The following ZFYVE26 variants were observed in gnomAD, a reference collection of about 807,000 sequenced individuals.
ZFYVE26 encodes zinc finger FYVE-type containing 26, also known as zinc finger FYVE domain-containing protein 26.
Under a neutral mutation model 276.5 loss-of-function variants are expected in ZFYVE26, and 181 were observed. The ratio of observed to expected loss-of-function variants is 0.65; its 90% CI spans 0.58 to 0.74. ZFYVE26 has a LOEUF of 0.74. ZFYVE26 is among the 30% of genes least tolerant of loss of function. The pLI is 0.00. For missense variants in ZFYVE26, 2,821 were observed against 3,097.9 expected, an observed-to-expected ratio of 0.91 and a Z score of 2.12; for synonymous variants, 1,129 against 1,203.1, an observed-to-expected ratio of 0.94 and a Z score of 1.27.
At chr14:67,763,855 C>T (rs553797424) in intron 32 of ZFYVE26, among the ~76,000 whole-genome samples, 1 of 152,220 alleles carries the variant, frequency 6.6e-6, no homozygotes, top group Non-Finnish European at 1.5e-5. Flanking sequence ...TAGGGGCTTA[C>T]AAGTGACCCA....
chr14:67,732,982 G>A (rs903473408), intron 13 of ZFYVE26, among the ~76,000 whole-genome samples: 2 of 152,104 alleles, frequency 1.3e-5, no homozygotes, highest in Non-Finnish European at 2.9e-5. Context: ...AACATGGGGG[G>A]AGCGGGGAGG....
chr14:67,784,658 T>G (rs1314085853), intron 19 of ZFYVE26, among the ~76,000 whole-genome samples: 1 of 152,154 alleles, frequency 6.6e-6, no homozygotes, highest in Non-Finnish European at 1.5e-5. Context: ...CAGACGAACT[T>G]CAGTGGGCAG....
chr14:67,783,417 C>T lies in ZFYVE26; in HGVS notation c.3735G>A (p.Gln1245=), dbSNP rs776265667. ...LALCSSRQSQ[Q]TSSLLTRLGT... ...CCAGACGAGTCAGGAGGGAGGAGGT[C>T]TGCTGGCTTTGCCGGGATGAGCAAA... The change falls in exon 21 of 42, where the codon CAG becomes CAA. Residue 1245 remains glutamine (Q), a synonymous_variant. Coordinates refer to ENST00000347230, the MANE Select transcript of ZFYVE26 (RefSeq NM_015346.4). 23 of 1,614,058 alleles carry T rather than the reference C, an allele frequency of 1.4e-5. No homozygotes were observed. The East Asian group carries it at 1.6e-4, about 11-fold the overall frequency.
intron 3 of ZFYVE26, among the ~76,000 whole-genome samples, chr14:67,813,401 A>G (rs1304198910): frequency 1.3e-5 from 2 of 152,242 alleles, no homozygotes; most frequent in Admixed American, 1.3e-4. Flanking sequence ...TTTATAAGAT[A>G]TAAATTTCTG....
intron 35 of ZFYVE26, among the ~76,000 whole-genome samples, chr14:67,758,395 T>A (rs561380304): frequency 7.9e-5 from 12 of 152,288 alleles, no homozygotes; most frequent in African/African-American, 2.4e-4. Flanking sequence ...TGCCATCCAT[T>A]TATCTATCCA....
intron 16 of ZFYVE26, 143 bp downstream of exon 16, chr14:67,789,192 T>A: frequency 8.8e-7 from 1 of 1,130,438 alleles, no homozygotes; most frequent in Non-Finnish European, 1.3e-6. Flanking sequence ...ATTTATGCCA[T>A]CAGATTGTAT....
intron 40 of ZFYVE26, 176 bp from the exon 41 acceptor site, chr14:67,751,272 T>G: frequency 2.9e-6 from 2 of 700,106 alleles, no homozygotes; most frequent in Non-Finnish European, 5.1e-6. Context: ...GTGTAGTGGC[T>G]TTTCACAGGC....
intron 35 of ZFYVE26, among the ~76,000 whole-genome samples, chr14:67,759,622 C>CAAAAAAGAAAAAAAAA (rs2038882240): frequency 9.3e-6 from 1 of 107,044 alleles, no homozygotes; most frequent in Non-Finnish European, 1.8e-5. Flanking sequence ...GACTCTGGCT[C>CAAAAAAGAAAAAAAAA]AAAAAAAAAA....
At position 67,807,034 on chromosome 14, in the gene ZFYVE26, A is replaced by G. The variant is rs567767654; in HGVS notation, c.887-359T>C. On this transcript the variant is annotated intron_variant, in intron 5 of 41. Transcript: ENST00000347230. ...CAGCCTCCACCTCCTGGGCTCAGTG[A>G]TCTTCCTGCCTCAGCCTTCCTGCCT... Among the ~76,000 whole-genome samples, 8 of 152,224 alleles carry G rather than the reference A, an allele frequency of 5.3e-5. No individual in the cohort carries two copies. In the South Asian group the frequency reaches 1.7e-3, roughly 32 times the overall value.
intron 13 of ZFYVE26, among the ~76,000 whole-genome samples, chr14:67,734,608 G>A (rs1465566945): frequency 6.6e-6 from 1 of 152,218 alleles, no homozygotes; most frequent in African/African-American, 2.4e-5. Flanking sequence ...GGCAAAGACA[G>A]CAGCTGGAAT....
intron 10 of ZFYVE26, among the ~76,000 whole-genome samples, chr14:67,801,660 A>T (rs749573260): frequency 6.6e-6 from 1 of 152,228 alleles, no homozygotes; most frequent in African/African-American, 2.4e-5. Context: ...TACATTTAAA[A>T]AGATGAAATA....
chr14:67,816,042 A>T lies in ZFYVE26; in HGVS notation c.-79T>A. ...TTCTCAATGTTCTCATTCGCGGAGT[A>T]CCTCCTAGAAACAACACAACGCCAG... On this transcript the variant is annotated 5_prime_UTR_variant, in exon 2 of 42. Transcript: ENST00000347230. The T allele has an allele frequency of 1.6e-6, 2 of 1,228,702 alleles. No individual in the cohort carries two copies. The highest frequency in any genetic ancestry group is 2.3e-6 in the Non-Finnish European group (2 of 881,340). 76.1% of individuals were successfully genotyped at this position (1,228,702 alleles called of 1,614,324 possible).
downstream of ZFYVE26, among the ~76,000 whole-genome samples, chr14:67,743,717 G>A (rs186970332): frequency 5.3e-5 from 8 of 152,076 alleles, no homozygotes; most frequent in Non-Finnish European, 1.0e-4. Flanking sequence ...AAGAGTTAAG[G>A]GGGGCAGTCA....
chr14:67,798,066 A>C lies in ZFYVE26; in HGVS notation c.2196T>G (p.Val732=), dbSNP rs773336194. The C allele has an allele frequency of 1.9e-6, 3 of 1,614,160 alleles. No homozygotes were observed. In the South Asian group the frequency reaches 3.3e-5, roughly 18 times the overall value. The part of the protein sequence containing the change: ...LQSRLHRLSK[V]VSEAQWRHKV... ...TGTGTCTCCACTGGGCCTCAGAGACAACCTTGGAAAGTCGATGCAGGCGGC... is the reference window on the plus strand; with the variant it reads ...TGTGTCTCCACTGGGCCTCAGAGACCACCTTGGAAAGTCGATGCAGGCGGC... Residue 732 remains valine, a synonymous_variant, in exon 11 of 42, where the codon GTT becomes GTG. Coordinates refer to ENST00000347230, the MANE Select transcript of ZFYVE26 (RefSeq NM_015346.4).
intron 22 of ZFYVE26, 53 bp downstream of exon 22, chr14:67,781,280 T>C (rs1254385689): frequency 3.1e-6 from 5 of 1,596,012 alleles, no homozygotes; most frequent in Non-Finnish European, 3.4e-6. Flanking sequence ...TAGGTTGGGG[T>C]TGATCATAGA....
intron 3 of ZFYVE26, among the ~76,000 whole-genome samples, chr14:67,811,998 AAGG>A (rs2040312715): frequency 6.8e-6 from 1 of 147,508 alleles, no homozygotes; most frequent in African/African-American, 2.5e-5. Context: ...ATTCTCACTG[AAGG>A]AGAACAATTA....
Position 67,777,580 on chromosome 14 carries a change from C to T in ZFYVE26, c.4953G>A (p.Gln1651=). The part of the protein sequence containing the change: ...QLTAVRHREI[Q]ALYVGSKILL... ...TTACCTTGGATCCCACATACAGCGC[C>T]TGGATTTCACGGTGTCGGACAGCAG... Residue 1651 remains glutamine, a synonymous_variant, in exon 25 of 42, where the codon CAG becomes CAA. Coordinates refer to ENST00000347230, the MANE Select transcript of ZFYVE26 (RefSeq NM_015346.4). The T allele has an allele frequency of 6.2e-7, 1 of 1,614,042 alleles. No individual in the cohort carries two copies. The highest frequency in any genetic ancestry group is 8.5e-7 in the Non-Finnish European group (1 of 1,180,006).
intron 3 of ZFYVE26, among the ~76,000 whole-genome samples, chr14:67,812,087 T>C (rs2040314315): frequency 6.6e-6 from 1 of 151,974 alleles, no homozygotes; most frequent in South Asian, 2.1e-4. Context: ...CAAATGTACT[T>C]TTTTCTAAAC....
chr14:67,812,113 A>G (rs1047834130), intron 3 of ZFYVE26, among the ~76,000 whole-genome samples: 2 of 151,978 alleles, frequency 1.3e-5, no homozygotes, highest in Non-Finnish European at 2.9e-5. Context: ...TTTTTCCCAT[A>G]CAGCAGACCA....
Sources: gnomAD v4.1 joint callset for allele counts (sites outside exome capture counted in the v4.1 genomes callset) on GRCh38, gnomAD v4.1.1 for gene constraint, MANE v1.5 for transcripts, NCBI Gene and HGNC (gene_info 2026-07-23, HGNC 2026-07-21) for gene names.